RBM45: variants seen among roughly 807,000 people sequenced by gnomAD.
RBM45 encodes RNA-binding protein 45.
In RBM45, 39 loss-of-function variants were observed where a neutral mutation model predicts 58.5. The observed-to-expected ratio is 0.67, with a 90% CI of 0.52 to 0.87. The LOEUF is 0.87. RBM45 is among the 40% of genes least tolerant of loss of function. RBM45 has a pLI of 0.00. For missense variants in RBM45, 481 were observed against 581.6 expected, an observed-to-expected ratio of 0.83 and a Z score of 1.78; for synonymous variants, 193 against 203.0, an observed-to-expected ratio of 0.95 and a Z score of 0.42.
At position 178,123,852 on chromosome 2, in the gene RBM45, G is replaced by A; in HGVS notation, c.1008G>A (p.Gln336=). 1 of 1,613,960 alleles carries A rather than the reference G, an allele frequency of 6.2e-7. No homozygotes were observed. Among genetic ancestry groups the A allele is most frequent in the South Asian group, 1.1e-5 (1 of 91,032 alleles). The part of the protein sequence containing the change: ...ATDLLRKMAT[Q]MVAAQLASMV... ...GTCTCCTTAGAAAAATGGCAACACA[G>A]ATGGTAGCTGCACAGCTTGCATCAA... Residue 336 remains glutamine, a synonymous_variant, in exon 7 of 10, where the codon CAG becomes CAA. Coordinates refer to ENST00000286070, the MANE Select transcript of RBM45 (RefSeq NM_152945.4).
rs1361327196 is a variant in RBM45, at chr2:178,121,259, A to C, written c.753A>C (p.Val251=). The C allele has an allele frequency of 6.3e-7, 1 of 1,599,126 alleles. No individual in the cohort carries two copies. Among genetic ancestry groups the C allele is most frequent in the Non-Finnish European group, 8.5e-7 (1 of 1,170,134 alleles). The change falls in exon 5 of 10, where the codon GTA becomes GTC. Residue 251 remains valine (V), a synonymous_variant. Transcript: ENST00000286070. ...QEAISKRLSV[V]SRVPFTEEQL... Reference sequence around the variant, plus strand: ...CAATCTCCAAACGCTTGTCAGTTGTATCAAGAGTTCCTTTCACTGAAGAAC... The same window carrying C: ...CAATCTCCAAACGCTTGTCAGTTGTCTCAAGAGTTCCTTTCACTGAAGAAC...
At chr2:178,134,214 A>G (rs771140487), downstream of RBM45, among the ~76,000 whole-genome samples, 5 of 152,198 alleles carry the variant, frequency 3.3e-5, no homozygotes. Flanking sequence ...CTGTCTGACC[A>G]AAATGCTGCA....
At chr2:178,128,393 A>C (rs965509862) in intron 9 of RBM45, among the ~76,000 whole-genome samples, 1 of 152,314 alleles carries the variant, frequency 6.6e-6, no homozygotes, top group East Asian at 1.9e-4. Context: ...TTGCAAGTCT[A>C]AACTAAAACT....
exon 4 of RBM45, chr2:178,138,451 A>G (rs949355518): frequency 2.6e-5 from 4 of 152,198 alleles, no homozygotes; most frequent in African/African-American, 9.6e-5. Context: ...TTGATCTAAA[A>G]AATTTTAAAA....
At chr2:178,124,409 TA>T in intron 8 of RBM45, 119 bp downstream of exon 8, 1 of 510,292 alleles carries the variant, frequency 2.0e-6, no homozygotes, top group South Asian at 6.7e-5. Context: ...TCTCTGCTTT[TA>T]AAACCTCCTT....
At chr2:178,117,243 C>T (rs902946695) in intron 2 of RBM45, among the ~76,000 whole-genome samples, 8 of 152,034 alleles carry the variant, frequency 5.3e-5, no homozygotes, top group Non-Finnish European at 7.4e-5. Flanking sequence ...ATACCAAAAA[C>T]GTATATTTTA....
chr2:178,123,538 G>A lies in RBM45; in HGVS notation c.870G>A (p.Gln290=), dbSNP rs755028134. Residue 290 remains glutamine, a synonymous_variant, in exon 6 of 10, where the codon CAG becomes CAA. Coordinates refer to ENST00000286070, the MANE Select transcript of RBM45 (RefSeq NM_152945.4). ...CTATTTTAGGTCATGGAGTGGTTCAGTATTTTAATGTAGCATCAGCTATTT... is the reference window on the plus strand; with the variant it reads ...CTATTTTAGGTCATGGAGTGGTTCAATATTTTAATGTAGCATCAGCTATTT... ...PYSNYGHGVV[Q]YFNVASAIYA... 8.2e-6 allele frequency: 13 copies of A among 1,594,756 alleles called. No homozygotes were observed. The highest frequency in any genetic ancestry group is 1.8e-5 in the Admixed American group (1 of 55,794).
intron 9 of RBM45, among the ~76,000 whole-genome samples, chr2:178,126,457 CT>C (rs2087930760): frequency 6.6e-6 from 1 of 151,750 alleles, no homozygotes; most frequent in Non-Finnish European, 1.5e-5. Flanking sequence ...TTATTATGTG[CT>C]TATATAAACT....
downstream of RBM45, chr2:178,133,813 T>C (rs2088023765): frequency 6.6e-6 from 1 of 152,198 alleles, no homozygotes; most frequent in Admixed American, 6.5e-5. Flanking sequence ...GAAGTTCCAT[T>C]TTAATACTTG....
intron 1 of RBM45, among the ~76,000 whole-genome samples, chr2:178,115,839 T>C (rs187946396): frequency 1.6e-3 from 240 of 152,058 alleles, no homozygotes; most frequent in Non-Finnish European, 2.9e-3. Context: ...AATGCAGAGA[T>C]TGGTATTATC....
chr2:178,116,440 A>G (rs2087778708), intron 2 of RBM45, 56 bp downstream of exon 2: 3 of 1,450,180 alleles, frequency 2.1e-6, no homozygotes, highest in African/African-American at 2.9e-5. Flanking sequence ...CATAGGTTGT[A>G]TGGGTACTAA....
At chr2:178,116,079 A>G (rs773323680) in intron 1 of RBM45, among the ~76,000 whole-genome samples, 183 bp from the exon 2 acceptor site, 1 of 151,614 alleles carries the variant, frequency 6.6e-6, no homozygotes, top group Non-Finnish European at 1.5e-5. Context: ...TTGAGCCTAG[A>G]ATGTTGAGAC....
downstream of RBM45, among the ~76,000 whole-genome samples, chr2:178,132,654 G>A (rs148465920): frequency 1.3e-5 from 2 of 152,032 alleles, no homozygotes; most frequent in African/African-American, 4.8e-5. Flanking sequence ...ACAATGGTGC[G>A]ATCTCAGCTC....
chr2:178,136,343 C>T (rs571913125), intron 3 of RBM45: 2 of 152,374 alleles, frequency 1.3e-5, no homozygotes, highest in African/African-American at 4.8e-5. Flanking sequence ...AAGATGACAC[C>T]TTAGCCTCCC....
intron 3 of RBM45, among the ~76,000 whole-genome samples, chr2:178,135,982 T>C (rs1414656168): frequency 6.6e-6 from 1 of 152,208 alleles, no homozygotes. Context: ...AAAAAATGGC[T>C]GACTCCAATT....
At chr2:178,123,266 C>T (rs1574412450) in intron 5 of RBM45, among the ~76,000 whole-genome samples, 1 of 152,154 alleles carries the variant, frequency 6.6e-6, no homozygotes, top group East Asian at 1.9e-4. Context: ...ACTTATTAGA[C>T]AGGACGTATG....
At position 178,121,247 on chromosome 2, in the gene RBM45, C is replaced by A. The variant is rs747962468; in HGVS notation, c.741C>A (p.Arg247=). 1 of 1,591,218 alleles carries A rather than the reference C, an allele frequency of 6.3e-7. No individual in the cohort carries two copies. Among genetic ancestry groups the A allele is most frequent in the South Asian group, 1.1e-5 (1 of 88,336 alleles). The stretch of plus-strand genomic sequence containing the variant: ...GAGGCCAGGAAGCAATCTCCAAACG[C>A]TTGTCAGTTGTATCAAGAGTTCCTT... The part of the protein sequence containing the change: ...DSRGQEAISK[R]LSVVSRVPFT... The change falls in exon 5 of 10, where the codon CGC becomes CGA. Residue 247 remains arginine, a synonymous_variant. Transcript: ENST00000286070.
chr2:178,133,572 A>C (rs966082436), downstream of RBM45, among the ~76,000 whole-genome samples: 1 of 152,216 alleles, frequency 6.6e-6, no homozygotes, highest in Non-Finnish European at 1.5e-5. Context: ...TGTACCCAAA[A>C]ACCTTTTGAT....
At chr2:178,134,565 GCT>G (rs1324805187), downstream of RBM45, among the ~76,000 whole-genome samples, 1 of 137,572 alleles carries the variant, frequency 7.3e-6, no homozygotes, top group African/African-American at 2.8e-5. Flanking sequence ...TTGCTTGCTT[GCT>G]CTGTTTTTTT....
Sources: allele counts gnomAD v4.1 joint callset (sites outside exome capture counted in the v4.1 genomes callset), GRCh38; gene constraint gnomAD v4.1.1; transcripts MANE v1.5; gene names NCBI Gene and HGNC (gene_info 2026-07-23, HGNC 2026-07-21).